Variants in MIGA2 observed in about 807,000 individuals in gnomAD.
MIGA2 encodes the protein family with sequence similarity 73, member B.
Under a neutral mutation model 69.9 loss-of-function variants are expected in MIGA2, and 36 were observed. The observed-to-expected ratio is 0.52, with a 90% CI of 0.39 to 0.68. MIGA2 has a LOEUF of 0.68. MIGA2 is among the 30% of genes least tolerant of loss of function. The pLI, the probability that MIGA2 is intolerant of heterozygous loss-of-function variation, is 0.00. For synonymous variants in MIGA2, 333 were observed against 349.2 expected (o/e 0.95, Z 0.52); for missense variants, 660 against 787.7 (o/e 0.84, Z 1.94).
At chr9:129,039,195 G>A (rs981956664) in intron 1 of MIGA2, among the ~76,000 whole-genome samples, 9 of 151,234 alleles carry the variant, frequency 6.0e-5, no homozygotes, top group African/African-American at 1.9e-4. Context: ...GTGTGTGTGT[G>A]TGTGTGTGTG....
intron 11 of MIGA2, among the ~76,000 whole-genome samples, chr9:129,065,388 C>T (rs553957385): frequency 3.3e-5 from 5 of 151,936 alleles, no homozygotes; most frequent in Middle Eastern, 3.4e-3. Flanking sequence ...CCATGTTGTC[C>T]GGGCTGGAGT....
At chr9:129,057,001 T>G (rs1319512211) in intron 6 of MIGA2, among the ~76,000 whole-genome samples, 1 of 151,614 alleles carries the variant, frequency 6.6e-6, no homozygotes, top group African/African-American at 2.4e-5. Context: ...GCCACTGCAT[T>G]CCAGCCTGGG....
chr9:129,053,424 C>T (rs548799478), intron 6 of MIGA2, among the ~76,000 whole-genome samples: 3 of 150,886 alleles, frequency 2.0e-5, no homozygotes, highest in Admixed American at 6.6e-5. Flanking sequence ...AGTGCAGTGG[C>T]GCAATCTTGG....
At position 129,068,333 on chromosome 9, in the gene MIGA2, G is replaced by A; in HGVS notation, c.1404+1G>A. The A allele has an allele frequency of 6.2e-7, 1 of 1,602,404 alleles. No homozygotes were observed. Among genetic ancestry groups the A allele is most frequent in the Non-Finnish European group, 8.5e-7 (1 of 1,178,300 alleles). The stretch of plus-strand genomic sequence containing the variant: ...GCTGTCAGACAGCTTCAAGGAGACG[G>A]TGGGTCACTGCCCTGCTCTCAGACC... On this transcript the variant is annotated splice_donor_variant, in intron 13 of 15. Coordinates refer to ENST00000684074, the MANE Select transcript of MIGA2 (RefSeq NM_001329990.2). LOFTEE classifies it high-confidence loss of function. This position sits in a 1 kb window ranked among gnomAD's most constrained non-coding sequence, Gnocchi z 4.1.
chr9:129,069,420 G>A lies in MIGA2; in HGVS notation c.1458+291G>A, dbSNP rs1318344180. On this transcript the variant is annotated intron_variant, in intron 14 of 15. Transcript: ENST00000684074. This position sits in a 1 kb window ranked among gnomAD's most constrained non-coding sequence, Gnocchi z 4.9. ...GCTGGCCTGGTGCAGGCGTCTCGGT[G>A]GGGGCAGGATACCCAGGAGCAAGCA... is the stretch of plus-strand genomic sequence containing the variant. 1 of 552,154 alleles carries A rather than the reference G, an allele frequency of 1.8e-6. No individual in the cohort carries two copies. The highest frequency in any genetic ancestry group is 1.9e-5 in the African/African-American group (1 of 52,884). The allele number at this position is 552,154 out of a possible 1,614,324, so 34.2% of individuals were successfully genotyped here. A position where few individuals can be genotyped will look rare whatever the true frequency, so the allele number is the denominator to read the frequency against.
In MIGA2 at chr9:129,048,660, C is replaced by T. The variant is rs1845362318; in HGVS notation, c.420+121C>T. The T allele has an allele frequency of 8.0e-6, 6 of 745,850 alleles. No individual in the cohort carries two copies. The East Asian group carries it at 1.4e-4, about 17-fold the overall frequency. 46.2% of individuals were successfully genotyped at this position (745,850 alleles called of 1,614,324 possible). ...TTCATTCATTCTCTCTCTCACTCCT[C>T]CACCCACGCGGGCTTTCAGGGATTG... is the stretch of plus-strand genomic sequence containing the variant. On this transcript the variant is annotated intron_variant, in intron 4 of 15. Transcript: ENST00000684074.
At chr9:129,046,046 G>C (rs1845204813) in intron 3 of MIGA2, among the ~76,000 whole-genome samples, 1 of 151,838 alleles carries the variant, frequency 6.6e-6, no homozygotes, top group Non-Finnish European at 1.5e-5. Context: ...GTAGAGACAG[G>C]GTTTCACCAT....
chr9:129,060,712 A>G lies in MIGA2; in HGVS notation c.894+62A>G. The G allele has an allele frequency of 3.7e-6, 5 of 1,356,360 alleles. No homozygotes were observed. The highest frequency in any genetic ancestry group is 5.1e-6 in the Non-Finnish European group (5 of 976,548). 84.0% of individuals were successfully genotyped at this position (1,356,360 alleles called of 1,614,324 possible). On this transcript the variant is annotated intron_variant, in intron 8 of 15. Transcript: ENST00000684074. This position sits in a 1 kb window ranked among gnomAD's most constrained non-coding sequence, Gnocchi z 4.8. ...AAGGCTGGGCCTCCTCTGCAGGTCC[A>G]TGGGGCCAGCACTGGGTCATGGGAA... is the stretch of plus-strand genomic sequence containing the variant.
At chr9:129,039,023 G>A (rs1362798098) in intron 1 of MIGA2, among the ~76,000 whole-genome samples, 1 of 151,570 alleles carries the variant, frequency 6.6e-6, no homozygotes, top group Non-Finnish European at 1.5e-5. Context: ...TGGAAGTCCT[G>A]ACTTCAGGTG....
intron 11 of MIGA2, 73 bp from the exon 12 acceptor site, chr9:129,067,700 C>A: frequency 1.4e-6 from 2 of 1,403,654 alleles, no homozygotes; most frequent in Admixed American, 2.0e-5. Flanking sequence ...CTTGGCATGT[C>A]CCCCATCCAC....
rs1846502262 is a variant in MIGA2, at chr9:129,068,650, CAA to C, written c.1404+321_1404+322del. ...AAGTTAAAAGAGGGGAAAGCAAAAC[CAA>C]AAGGAAAAAAAGGCACAGAGTGAGA... On this transcript the variant is annotated intron_variant, in intron 13 of 15. Coordinates refer to ENST00000684074, the MANE Select transcript of MIGA2 (RefSeq NM_001329990.2). This position sits in a 1 kb window ranked among gnomAD's most constrained non-coding sequence, Gnocchi z 4.1. 2.4e-6 allele frequency: 1 copy of C among 416,000 alleles called. No homozygotes were observed. Among genetic ancestry groups the C allele is most frequent in the Non-Finnish European group, 4.4e-6 (1 of 227,910 alleles). The allele number at this position is 416,000 out of a possible 1,614,324, so 25.8% of individuals were successfully genotyped here.
rs779377167 is a variant in MIGA2, at chr9:129,068,441, C to A, written c.1404+109C>A. 10 of 1,467,080 alleles carry A rather than the reference C, an allele frequency of 6.8e-6. No individual in the cohort carries two copies. The Admixed American group carries it at 2.0e-4, about 30-fold the overall frequency. The allele number at this position is 1,467,080 out of a possible 1,614,324, so 90.9% of individuals were successfully genotyped here. A position where few individuals can be genotyped will look rare whatever the true frequency, so the allele number is the denominator to read the frequency against. ...ACTGGCACCAGGGCTGGGCCCCCAC[C>A]CCCTAGATCCGCGGCTGCCAGGCCT... On this transcript the variant is annotated intron_variant, in intron 13 of 15. Transcript: ENST00000684074. The surrounding 1 kb of genome is among the most constrained non-coding windows in gnomAD (Gnocchi z 4.1).
At chr9:129,064,774 T>G (rs1846252546) in intron 11 of MIGA2, among the ~76,000 whole-genome samples, 1 of 151,470 alleles carries the variant, frequency 6.6e-6, no homozygotes, top group South Asian at 2.1e-4. Context: ...GGAACACTGT[T>G]GCTCAATCTT....
At chr9:129,047,421 A>ATT (rs1041190928) in intron 3 of MIGA2, among the ~76,000 whole-genome samples, 1 of 144,118 alleles carries the variant, frequency 6.9e-6, no homozygotes, top group African/African-American at 2.5e-5. Context: ...ATTTCATTAA[A>ATT]TTTTTTTTTT....
In MIGA2 at chr9:129,067,808, G is replaced by A; in HGVS notation, c.1206G>A (p.Met402Ile). The change falls in exon 12 of 16, where the codon ATG becomes ATA. Residue 402 changes from methionine (M) to isoleucine (I), a missense_variant. By Grantham distance (10) the Met-to-Ile change is conservative. Coordinates refer to ENST00000684074, the MANE Select transcript of MIGA2 (RefSeq NM_001329990.2). The part of the protein sequence containing the change: ...PKGFLESYEE[M>I]LSYALRPETW... ...GCTTCCTGGAGAGCTACGAGGAGAT[G>A]CTGAGCTATGCCCTGCGGCCCGAGA... The A allele has an allele frequency of 1.9e-6, 3 of 1,613,268 alleles. No individual in the cohort carries two copies. The highest frequency in any genetic ancestry group is 1.1e-5 in the South Asian group (1 of 90,852).
chr9:129,043,126 G>A (rs1386986964), intron 3 of MIGA2, among the ~76,000 whole-genome samples: 8 of 151,868 alleles, frequency 5.3e-5, no homozygotes, highest in South Asian at 4.2e-4. Flanking sequence ...CCCAGGAGGC[G>A]GAGCTTGCAG....
chr9:129,067,454 G>A (rs1371267433), intron 11 of MIGA2: 8 of 326,940 alleles, frequency 2.4e-5, no homozygotes, highest in South Asian at 1.8e-4. Context: ...CCAAGGTCAC[G>A]GAGATTTGAA....
rs764543418 is a variant in MIGA2, at chr9:129,070,402, C to T, written c.1731C>T (p.Gly577=). Residue 577 remains glycine (G), a synonymous_variant, in exon 16 of 16, where the codon GGC becomes GGT. Coordinates refer to ENST00000684074, the MANE Select transcript of MIGA2 (RefSeq NM_001329990.2). ...YLGVPAASSA[G]VNGALPRENG... ...GGGTGCCCGCGGCCAGCAGCGCAGGCGTGAATGGGGCGCTGCCCCGAGAGA... is the reference window on the plus strand; with the variant it reads ...GGGTGCCCGCGGCCAGCAGCGCAGGTGTGAATGGGGCGCTGCCCCGAGAGA... The T allele has an allele frequency of 3.5e-5, 57 of 1,609,704 alleles. No individual in the cohort carries two copies. The highest frequency in any genetic ancestry group is 4.5e-5 in the Non-Finnish European group (53 of 1,178,140).
At chr9:129,055,887 C>T (rs1845770535) in intron 6 of MIGA2, among the ~76,000 whole-genome samples, 1 of 151,628 alleles carries the variant, frequency 6.6e-6, no homozygotes, top group Non-Finnish European at 1.5e-5. Context: ...CAGTAGCTCA[C>T]ACCTGTAGTC....
Sources: gnomAD v4.1 joint callset for allele counts (sites outside exome capture counted in the v4.1 genomes callset) on GRCh38, gnomAD v4.1.1 for gene constraint, Gnocchi (gnomAD v3.1) non-coding constraint, MANE v1.5 for transcripts, NCBI Gene and HGNC (gene_info 2026-07-23, HGNC 2026-07-21) for gene names.